ZNF234: variants seen among roughly 807,000 people sequenced by gnomAD.
ZNF234 encodes C2-H2 type zinc finger protein.
A neutral mutation model predicts 10.3 loss-of-function variants in ZNF234; 4 were observed. That is an observed-to-expected ratio of 0.39 (90% confidence interval 0.19 to 0.89). The LOEUF (loss-of-function observed/expected upper bound fraction) is 0.89. Among genes scored for constraint, ZNF234 ranks in the 40% least tolerant of loss-of-function variants. The probability of loss-of-function intolerance (pLI) is 0.38; values close to 1 mark genes in which losing one functional copy is unlikely to be tolerated. For synonymous variants in ZNF234, 258 were observed against 280.1 expected (o/e 0.92, Z 0.79); for missense variants, 711 against 836.1 (o/e 0.85, Z 1.85).
At position 44,157,048 on chromosome 19, in the gene ZNF234, C is replaced by G; in HGVS notation, c.1032C>G (p.Tyr344Ter). ...GGGTCCACACAGGAGAGAAACCTTA[C>G]AAGTGTGAAGAATGTGGTAAGTGCT... ...HQRVHTGEKP[Y>*]KCEECGKCFI... Residue 344 changes from tyrosine (Y) to a stop codon, truncating the protein, a stop_gained, in exon 6 of 6, where the codon TAC becomes TAG. Coordinates refer to ENST00000426739, the MANE Select transcript of ZNF234 (RefSeq NM_006630.3). LOFTEE classifies it low-confidence loss of function (END_TRUNC). 1 of 1,614,116 alleles carries G rather than the reference C, an allele frequency of 6.2e-7. No individual in the cohort carries two copies. The highest frequency in any genetic ancestry group is 8.5e-7 in the Non-Finnish European group (1 of 1,180,022).
In ZNF234 at chr19:44,157,198, C is replaced by T. The variant is rs1189997224; in HGVS notation, c.1182C>T (p.His394=). 1 of 1,614,082 alleles carries T rather than the reference C, an allele frequency of 6.2e-7. No homozygotes were observed. Residue 394 remains histidine, a synonymous_variant, in exon 6 of 6, where the codon CAC becomes CAT. Transcript: ENST00000426739. ...SSSFQAHQGV[H]TGEKPYKCNE... The stretch of plus-strand genomic sequence containing the variant: ...GTTTTCAGGCCCATCAGGGAGTCCA[C>T]ACTGGAGAGAAGCCATACAAATGCA...
Position 44,156,776 on chromosome 19 carries a change from C to T in ZNF234, c.760C>T (p.His254Tyr), listed in dbSNP as rs1968895230. 6.2e-7 allele frequency: 1 copy of T among 1,612,938 alleles called. No individual in the cohort carries two copies. Among genetic ancestry groups the T allele is most frequent in the Non-Finnish European group, 8.5e-7 (1 of 1,179,272 alleles). ...AACACTTACTGTACATTGCAAATTA[C>T]ACTCAGGAGAGAAACCTTACAATTG... is the stretch of plus-strand genomic sequence containing the variant. ...RSTLTVHCKLHSGEKPYNCEE... is the reference protein window; with the variant it reads ...RSTLTVHCKLYSGEKPYNCEE... The change falls in exon 6 of 6, where the codon CAC becomes TAC. Residue 254 changes from histidine (H) to tyrosine (Y), a missense_variant. His to Tyr is a moderately conservative substitution (Grantham distance 83). Transcript: ENST00000426739.
intron 5 of ZNF234, among the ~76,000 whole-genome samples, chr19:44,150,901 G>A (rs904968767): frequency 6.6e-6 from 1 of 151,866 alleles, no homozygotes; most frequent in Non-Finnish European, 1.5e-5. Context: ...AGGCGTGGTG[G>A]CCAGCGCCTG....
At position 44,158,344 on chromosome 19, in the gene ZNF234, A is replaced by T; in HGVS notation, c.*225A>T. ...GCTATCTCAGCTCACTGTAACCTCC[A>T]CTTCCCGGGTTCAAGTGATTCTCCT... On this transcript the variant is annotated 3_prime_UTR_variant, in exon 6 of 6. Transcript: ENST00000426739. The T allele has an allele frequency of 1.9e-6, 1 of 516,820 alleles. No individual in the cohort carries two copies. Among genetic ancestry groups the T allele is most frequent in the Admixed American group, 3.0e-5 (1 of 33,358 alleles). The allele number at this position is 516,820 out of a possible 1,614,324, so 32.0% of individuals were successfully genotyped here.
chr19:44,158,130 A>AC lies in ZNF234; in HGVS notation c.*11_*12insC. 1.9e-6 allele frequency: 3 copies of AC among 1,584,874 alleles called. No homozygotes were observed. Among genetic ancestry groups the AC allele is most frequent in the Non-Finnish European group, 2.6e-6 (3 of 1,172,988 alleles). The stretch of plus-strand genomic sequence containing the variant: ...AGTTCTACAAGGTGATTAAAAAAAA[A>AC]AAAACAGAACTCATGTACAACCTGA... On this transcript the variant is annotated 3_prime_UTR_variant, in exon 6 of 6. Coordinates refer to ENST00000426739, the MANE Select transcript of ZNF234 (RefSeq NM_006630.3).
At chr19:44,145,116 A>C (rs753175836) in intron 3 of ZNF234, among the ~76,000 whole-genome samples, 6 of 152,168 alleles carry the variant, frequency 3.9e-5, no homozygotes, top group Non-Finnish European at 8.8e-5. Context: ...TATGGAGTAG[A>C]AAAATTGGTG....
chr19:44,146,526 T>C (rs1490152085), intron 3 of ZNF234, among the ~76,000 whole-genome samples: 1 of 152,108 alleles, frequency 6.6e-6, no homozygotes, highest in East Asian at 1.9e-4. Context: ...CCCTGAAGCA[T>C]GGGGATCAGG....
At chr19:44,148,438 C>G (rs1229069813) in intron 3 of ZNF234, among the ~76,000 whole-genome samples, 1 of 152,160 alleles carries the variant, frequency 6.6e-6, no homozygotes, top group Non-Finnish European at 1.5e-5. Context: ...TTCTGACTTG[C>G]TAAATGTTTC....
chr19:44,145,835 T>C (rs1416665059), intron 3 of ZNF234, among the ~76,000 whole-genome samples: 1 of 152,280 alleles, frequency 6.6e-6, no homozygotes, highest in Non-Finnish European at 1.5e-5. Context: ...TTTTATTTAC[T>C]AGTGTCTTAT....
rs201700903 is a variant in ZNF234, at chr19:44,157,809, G to T, written c.1793G>T (p.Cys598Phe). 1.1e-3 allele frequency: 1,805 copies of T among 1,614,080 alleles called. 5 individuals are homozygous for T. The highest frequency in any genetic ancestry group is 3.3e-3 in the Admixed American group (200 of 60,002). ...CACACAGGAGAAAAACCCTATACATGTGGGGAGTGTGGGAAGCACTTCAGT... is the reference window on the plus strand; with the variant it reads ...CACACAGGAGAAAAACCCTATACATTTGGGGAGTGTGGGAAGCACTTCAGT... ...RVHTGEKPYT[C>F]GECGKHFSQA... Residue 598 changes from cysteine (C) to phenylalanine (F), a missense_variant, in exon 6 of 6, where the codon TGT becomes TTT. Coordinates refer to ENST00000426739, the MANE Select transcript of ZNF234 (RefSeq NM_006630.3).
In ZNF234 at chr19:44,156,384, G is replaced by C. The variant is rs117216125; in HGVS notation, c.368G>C (p.Arg123Pro). The change falls in exon 6 of 6, where the codon CGG (arginine) becomes CCG (proline). Residue 123 changes from arginine (R) to proline (P), a missense_variant. Arg to Pro is a moderately radical substitution (Grantham distance 103). Transcript: ENST00000426739. ...GAAGACTCTATGATAAGTATTTCTC[G>C]GTTCCCCAGACAAGGTGATTTGTCC... ...KYEDSMISIS[R>P]FPRQGDLSCQ... 5 of 1,613,474 alleles carry C rather than the reference G, an allele frequency of 3.1e-6. No individual in the cohort carries two copies. In the Admixed American group the frequency reaches 8.3e-5, roughly 27 times the overall value.
In ZNF234 at chr19:44,156,249, C is replaced by T. The variant is rs754143209; in HGVS notation, c.236-3C>T. The T allele has an allele frequency of 3.2e-6, 5 of 1,541,760 alleles. No homozygotes were observed. In the East Asian group the frequency reaches 6.7e-5, roughly 21 times the overall value. On this transcript the variant is annotated splice_polypyrimidine_tract_variant and splice_region_variant and intron_variant, in intron 5 of 5. Coordinates refer to ENST00000426739, the MANE Select transcript of ZNF234 (RefSeq NM_006630.3). The stretch of plus-strand genomic sequence containing the variant: ...CACATCTCTGAATTCTCTGTCCTTA[C>T]AGCAGACAAGATCCAAAGTGAGGTG...
At chr19:44,148,653 C>T (rs773303447) in intron 3 of ZNF234, 118 bp from the exon 4 acceptor site, 2 of 1,390,360 alleles carry the variant, frequency 1.4e-6, no homozygotes, top group East Asian at 4.7e-5. Flanking sequence ...GAGAAATCTA[C>T]ACATTAAGTC....
chr19:44,148,440 A>G (rs1355752207), intron 3 of ZNF234, among the ~76,000 whole-genome samples: 1 of 152,228 alleles, frequency 6.6e-6, no homozygotes, highest in Non-Finnish European at 1.5e-5. Flanking sequence ...CTGACTTGCT[A>G]AATGTTTCTG....
intron 2 of ZNF234, among the ~76,000 whole-genome samples, chr19:44,144,033 C>A (rs1968531933): frequency 6.6e-6 from 1 of 152,044 alleles, no homozygotes; most frequent in Non-Finnish European, 1.5e-5. Context: ...TTTTATGTAT[C>A]AGAATTCACC....
At chr19:44,154,191 G>A (rs1968815658) in intron 5 of ZNF234, among the ~76,000 whole-genome samples, 1 of 152,154 alleles carries the variant, frequency 6.6e-6, no homozygotes, top group Non-Finnish European at 1.5e-5. Flanking sequence ...TCTGGGAAGA[G>A]TTCCTCCCTG....
chr19:44,150,596 C>A, intron 5 of ZNF234, 91 bp downstream of exon 5: 1 of 1,046,186 alleles, frequency 9.6e-7, no homozygotes, highest in Non-Finnish European at 1.4e-6. Flanking sequence ...GTCCAAATTG[C>A]CAAACCTCTG....
intron 3 of ZNF234, among the ~76,000 whole-genome samples, chr19:44,146,554 A>T (rs1968598607): frequency 6.6e-6 from 1 of 152,146 alleles, no homozygotes; most frequent in Non-Finnish European, 1.5e-5. Context: ...GTTTTTGGTA[A>T]GTGTTTTAGT....
chr19:44,150,521 C>A lies in ZNF234; in HGVS notation c.235+16C>A. 1 of 1,553,742 alleles carries A rather than the reference C, an allele frequency of 6.4e-7. No individual in the cohort carries two copies. Among genetic ancestry groups the A allele is most frequent in the East Asian group, 2.3e-5 (1 of 42,638 alleles). ...GGGAAATCAGGTAAGAACCAAGCAG[C>A]TAAGAGTCCTTGTACGTGATTGTCC... On this transcript the variant is annotated intron_variant, in intron 5 of 5. Coordinates refer to ENST00000426739, the MANE Select transcript of ZNF234 (RefSeq NM_006630.3).
Sources: gnomAD v4.1 joint callset for allele counts (sites outside exome capture counted in the v4.1 genomes callset) on GRCh38, gnomAD v4.1.1 for gene constraint, MANE v1.5 for transcripts, NCBI Gene and HGNC (gene_info 2026-07-23, HGNC 2026-07-21) for gene names.